PLPP1: variants seen among roughly 807,000 people sequenced by gnomAD.
PLPP1 encodes the protein phospholipid phosphatase 1, also known as lipid phosphate phosphohydrolase 1a.
In PLPP1, 24 loss-of-function variants were observed where a neutral mutation model predicts 31.2. The ratio of observed to expected loss-of-function variants is 0.77; its 90% CI spans 0.56 to 1.08. The LOEUF (loss-of-function observed/expected upper bound fraction) is 1.08. Among genes scored for constraint, PLPP1 ranks in the 50% least tolerant of loss-of-function variants. The pLI is 0.00. For synonymous variants in PLPP1, 146 were observed against 126.3 expected, an observed-to-expected ratio of 1.16 and a Z score of -1.05; for missense variants, 319 against 342.7, an observed-to-expected ratio of 0.93 and a Z score of 0.55.
intron 1 of PLPP1, 151 bp downstream of exon 1, chr5:55,534,421 G>A (rs535502592): frequency 8.3e-4 from 658 of 790,472 alleles, no homozygotes; most frequent in Middle Eastern, 1.5e-3. Flanking sequence ...GCTGCAAAGC[G>A]GGGTCCCTCG....
intron 2 of PLPP1, among the ~76,000 whole-genome samples, chr5:55,471,889 C>G (rs1410109801): frequency 1.3e-5 from 2 of 152,026 alleles, no homozygotes; most frequent in Non-Finnish European, 2.9e-5. Flanking sequence ...GATGTTGAGG[C>G]AGGAGGGCTG....
intron 4 of PLPP1, among the ~76,000 whole-genome samples, chr5:55,431,368 A>G (rs549565620): frequency 1.3e-5 from 2 of 152,344 alleles, no homozygotes; most frequent in Admixed American, 6.5e-5. Flanking sequence ...CTTACAGGCT[A>G]GGAGAAAATG....
At position 55,448,112 on chromosome 5, in the gene PLPP1, T is replaced by A. The variant is rs1182538077; in HGVS notation, c.492-6204A>T. Among the ~76,000 whole-genome samples the A allele has an allele frequency of 3.3e-5, 5 of 152,346 alleles. No individual in the cohort carries two copies. In the South Asian group the frequency reaches 1.0e-3, roughly 32 times the overall value. ...GGATATATGAGCAATGACCTCTTAATGAACATAAACTTTTCCTAAGTATAT... is the reference window on the plus strand; with the variant it reads ...GGATATATGAGCAATGACCTCTTAAAGAACATAAACTTTTCCTAAGTATAT... On this transcript the variant is annotated intron_variant, in intron 3 of 5. Coordinates refer to ENST00000307259, the MANE Select transcript of PLPP1 (RefSeq NM_003711.4).
rs1169152710 is a variant in PLPP1, at chr5:55,443,212, T to TATATATAC, written c.492-1305_492-1304insGTATATAT. 2.6e-3 allele frequency among the ~76,000 whole-genome samples: 269 copies of TATATATAC among 104,906 alleles called. 1 individual carries two copies. The highest frequency in any genetic ancestry group is 9.6e-3 in the African/African-American group (249 of 25,922). The allele number at this position is 104,906 out of a possible 152,430, so 68.8% of individuals were successfully genotyped here. On this transcript the variant is annotated intron_variant, in intron 3 of 5. Transcript: ENST00000307259. ...AAAAAAATATATATATATATATATA[T>TATATATAC]ACACACACACACACACACACACATA...
At chr5:55,438,635 C>T (rs1464898488) in intron 4 of PLPP1, among the ~76,000 whole-genome samples, 3 of 152,228 alleles carry the variant, frequency 2.0e-5, no homozygotes, top group South Asian at 2.1e-4. Context: ...GGCGCGGTGG[C>T]TCACGCCTGT....
intron 4 of PLPP1, among the ~76,000 whole-genome samples, chr5:55,434,625 C>A (rs1354244205): frequency 1.3e-5 from 2 of 152,022 alleles, no homozygotes; most frequent in Non-Finnish European, 2.9e-5. Context: ...AATAAGTCCA[C>A]GTATTTACAG....
intron 3 of PLPP1, among the ~76,000 whole-genome samples, chr5:55,464,773 T>C (rs146232260): frequency 1.8e-3 from 268 of 152,234 alleles, no homozygotes; most frequent in Admixed American, 3.4e-3. Context: ...CACAAAACTA[T>C]AGGCACAGAA....
At chr5:55,440,277 C>T (rs1751592395) in intron 4 of PLPP1, among the ~76,000 whole-genome samples, 1 of 152,152 alleles carries the variant, frequency 6.6e-6, no homozygotes, top group Non-Finnish European at 1.5e-5. Context: ...ACAAAGCACG[C>T]CCACACATTC....
rs1013803102 is a variant in PLPP1, at chr5:55,532,225, A to AT, written c.58+2346dup. Among the ~76,000 whole-genome samples, 848 of 150,466 alleles carry AT rather than the reference A, an allele frequency of 5.6e-3. 12 individuals carry two copies. The highest frequency in any genetic ancestry group is 0.019 in the African/African-American group (780 of 41,078). Reference sequence around the variant, plus strand: ...CATGTCAGTTCCTCCATTATATGTGATTTTTTTTTTAATTGCAGATCTACC... The same window carrying AT: ...CATGTCAGTTCCTCCATTATATGTGATTTTTTTTTTTAATTGCAGATCTACC... On this transcript the variant is annotated intron_variant, in intron 1 of 5. Transcript: ENST00000307259.
chr5:55,530,832 G>A (rs1234321946), intron 1 of PLPP1: 1 of 1,270,342 alleles, frequency 7.9e-7, no homozygotes, highest in African/African-American at 1.5e-5. Flanking sequence ...CCTCCTGACA[G>A]ACGGGGCAGT....
intron 1 of PLPP1, among the ~76,000 whole-genome samples, chr5:55,480,048 T>C (rs2111823586): frequency 6.6e-6 from 1 of 152,196 alleles, no homozygotes; most frequent in East Asian, 1.9e-4. Flanking sequence ...TACAAAAGTG[T>C]GGAGAAATGC....
chr5:55,474,816 C>A (rs190847782), intron 2 of PLPP1, among the ~76,000 whole-genome samples: 2 of 152,252 alleles, frequency 1.3e-5, no homozygotes, highest in East Asian at 3.9e-4. Context: ...CTATAACATT[C>A]AACTATTGAT....
intron 4 of PLPP1, among the ~76,000 whole-genome samples, chr5:55,429,999 C>T (rs956534250): frequency 2.0e-5 from 3 of 152,050 alleles, no homozygotes; most frequent in African/African-American, 4.8e-5. Flanking sequence ...CACCATCGGG[C>T]GTTGGAGGGT....
At chr5:55,513,760 G>A (rs71622183) in intron 1 of PLPP1, among the ~76,000 whole-genome samples, 9,343 of 152,162 alleles carry the variant, frequency 0.061, 523 homozygotes, top group African/African-American at 0.13. Flanking sequence ...ACCAGGACTC[G>A]ACAAAAATTT....
At chr5:55,476,031 T>G (rs112131726) in intron 1 of PLPP1, among the ~76,000 whole-genome samples, 3,262 of 148,202 alleles carry the variant, frequency 0.022, 52 homozygotes, top group Non-Finnish European at 0.035. Flanking sequence ...CAGGCTAGAG[T>G]GCGATGGTGC....
At chr5:55,521,855 T>A (rs1753675854) in intron 1 of PLPP1, among the ~76,000 whole-genome samples, 1 of 152,200 alleles carries the variant, frequency 6.6e-6, no homozygotes, top group African/African-American at 2.4e-5. Context: ...TGAGTTCATG[T>A]GAAACATTTA....
rs145332040 is a variant in PLPP1, at chr5:55,451,655, G to A, written c.492-9747C>T. On this transcript the variant is annotated intron_variant, in intron 3 of 5. Coordinates refer to ENST00000307259, the MANE Select transcript of PLPP1 (RefSeq NM_003711.4). ...CGGCTCACTGCAACCTCTGCCTTCC[G>A]GGTTCAGGCAGTTCTCCTGCCTCAG... Among the ~76,000 whole-genome samples the A allele has an allele frequency of 5.9e-3, 896 of 151,768 alleles. 8 individuals are homozygous for A. Among genetic ancestry groups the A allele is most frequent in the African/African-American group, 0.021 (857 of 41,374 alleles).
At chr5:55,492,524 A>G (rs1333711906) in intron 1 of PLPP1, among the ~76,000 whole-genome samples, 3 of 152,192 alleles carry the variant, frequency 2.0e-5, no homozygotes, top group African/African-American at 4.8e-5. Context: ...CTATTAAAGA[A>G]GAGGCAACTG....
At chr5:55,428,727 T>C (rs1461253843) in intron 4 of PLPP1, among the ~76,000 whole-genome samples, 2 of 152,208 alleles carry the variant, frequency 1.3e-5, no homozygotes, top group Non-Finnish European at 2.9e-5. Flanking sequence ...CCAAGGCTAA[T>C]AGTAAAAAGG....
Sources: allele counts gnomAD v4.1 joint callset (sites outside exome capture counted in the v4.1 genomes callset), GRCh38; gene constraint gnomAD v4.1.1; transcripts MANE v1.5; gene names NCBI Gene and HGNC (gene_info 2026-07-23, HGNC 2026-07-21).